AGBL1: variants seen among roughly 807,000 people sequenced by gnomAD.
The protein encoded by AGBL1 is AGBL carboxypeptidase 1.
Under a neutral mutation model 118.9 loss-of-function variants are expected in AGBL1, and 130 were observed. That is an observed-to-expected ratio of 1.09 (90% CI 0.95 to 1.26). The LOEUF (loss-of-function observed/expected upper bound fraction) is 1.26, where lower values mean the gene tolerates loss of function less well. AGBL1 is among the 50% of genes most tolerant of loss of function. The probability of loss-of-function intolerance (pLI) is 0.00; values close to 1 mark genes in which losing one functional copy is unlikely to be tolerated. For missense variants in AGBL1, 1,584 were observed against 1,298.1 expected, an observed-to-expected ratio of 1.22 and a Z score of -3.38; for synonymous variants, 555 against 478.9, an observed-to-expected ratio of 1.16 and a Z score of -2.08.
At chr15:86,616,657 G>A (rs1297307389) in intron 21 of AGBL1, among the ~76,000 whole-genome samples, 1 of 152,190 alleles carries the variant, frequency 6.6e-6, no homozygotes, top group Non-Finnish European at 1.5e-5. Flanking sequence ...TAGAGTCATA[G>A]ATTTGGAAAT....
chr15:86,723,694 C>G (rs1335248694), intron 22 of AGBL1, among the ~76,000 whole-genome samples: 1 of 151,512 alleles, frequency 6.6e-6, no homozygotes, highest in Non-Finnish European at 1.5e-5. Flanking sequence ...ATGGATTTGA[C>G]TAAACGGAAA....
chr15:86,423,157 C>T (rs960444971), intron 18 of AGBL1, among the ~76,000 whole-genome samples: 3 of 152,196 alleles, frequency 2.0e-5, no homozygotes, highest in African/African-American at 7.2e-5. Context: ...AGGCCAATAT[C>T]CCTGATGAAT....
intron 1 of AGBL1, among the ~76,000 whole-genome samples, chr15:86,133,007 C>G (rs1224221252): frequency 6.6e-6 from 1 of 152,164 alleles, no homozygotes; most frequent in African/African-American, 2.4e-5. Context: ...GTGACCCAGG[C>G]AGTAAGCTAA....
intron 19 of AGBL1, among the ~76,000 whole-genome samples, chr15:86,534,960 C>A (rs908390830): frequency 1.6e-4 from 24 of 152,100 alleles, no homozygotes; most frequent in African/African-American, 5.6e-4. Context: ...TGATCAGAGT[C>A]GGTTACACAA....
chr15:86,372,833 G>A (rs1217336191), intron 17 of AGBL1, among the ~76,000 whole-genome samples: 1 of 152,168 alleles, frequency 6.6e-6, no homozygotes, highest in Non-Finnish European at 1.5e-5. Context: ...CTGAGCAGAA[G>A]GTATCAAGGT....
At chr15:86,090,113 C>A (rs1306862324) in intron 1 of AGBL1, among the ~76,000 whole-genome samples, 1 of 152,174 alleles carries the variant, frequency 6.6e-6, no homozygotes, top group Non-Finnish European at 1.5e-5. Context: ...TGGCTACTTT[C>A]CCCATTTTAT....
chr15:86,283,055 G>A (rs8031472), intron 16 of AGBL1, among the ~76,000 whole-genome samples: 35,519 of 152,018 alleles, frequency 0.23, 4,950 homozygotes, highest in Middle Eastern at 0.33. Flanking sequence ...ATAATCGTTC[G>A]TTTTATAGCA....
At chr15:86,501,061 A>G (rs1429669597) in intron 18 of AGBL1, among the ~76,000 whole-genome samples, 1 of 151,652 alleles carries the variant, frequency 6.6e-6, no homozygotes, top group Non-Finnish European at 1.5e-5. Context: ...TATGGGGACT[A>G]TATGTTTGAC....
chr15:86,513,918 T>A (rs2083083818), intron 18 of AGBL1, among the ~76,000 whole-genome samples: 1 of 152,092 alleles, frequency 6.6e-6, no homozygotes, highest in Admixed American at 6.6e-5. Flanking sequence ...TACTTCCTTA[T>A]TTTTTGGCAC....
chr15:86,927,064 A>G (rs2080548745), intron 23 of AGBL1, among the ~76,000 whole-genome samples: 1 of 151,952 alleles, frequency 6.6e-6, no homozygotes. Context: ...GCTTGAACCC[A>G]GAAGGCAGAG....
chr15:86,502,180 A>G (rs1211274630), intron 18 of AGBL1, among the ~76,000 whole-genome samples: 2 of 151,468 alleles, frequency 1.3e-5, no homozygotes, highest in Non-Finnish European at 3.0e-5. Context: ...ATTCCTAAGT[A>G]TTTTATTCTT....
chr15:86,791,504 T>C (rs538632521), intron 22 of AGBL1, among the ~76,000 whole-genome samples: 5 of 152,192 alleles, frequency 3.3e-5, no homozygotes, highest in African/African-American at 1.2e-4. Flanking sequence ...TCAGTCTTTT[T>C]CAAGCTCAGT....
At chr15:86,556,492 A>G (rs555991622) in intron 21 of AGBL1, among the ~76,000 whole-genome samples, 6 of 152,314 alleles carry the variant, frequency 3.9e-5, no homozygotes, top group Non-Finnish European at 5.9e-5. Context: ...CCTTACAAAC[A>G]TTGTTGAGTA....
Position 86,910,583 on chromosome 15 carries a change from A to T in AGBL1, c.*3289A>T, listed in dbSNP as rs2141599477. 2 of 152,310 alleles carry T rather than the reference A, an allele frequency of 1.3e-5. No homozygotes were observed. The highest frequency in any genetic ancestry group is 4.2e-4 in the South Asian group (2 of 4,814). 9.4% of individuals were successfully genotyped at this position (152,310 alleles called of 1,614,324 possible). A position where few individuals can be genotyped will look rare whatever the true frequency, so the allele number is the denominator to read the frequency against. On this transcript the variant is annotated 3_prime_UTR_variant, in exon 23 of 23. Transcript: ENST00000614907. ...TAGTTTGAGGAGTGCCCCAGGTGTG[A>T]TACTACTATATTTGAAGAGCAGAAC...
At chr15:86,160,187 C>T (rs2077248486) in intron 5 of AGBL1, among the ~76,000 whole-genome samples, 1 of 143,216 alleles carries the variant, frequency 7.0e-6, no homozygotes, top group Admixed American at 7.3e-5. Flanking sequence ...AACATCTTCT[C>T]CAGGGTGTGA....
At chr15:86,831,389 G>C (rs2079101706) in intron 22 of AGBL1, among the ~76,000 whole-genome samples, 1 of 152,184 alleles carries the variant, frequency 6.6e-6, no homozygotes, top group Non-Finnish European at 1.5e-5. Flanking sequence ...TCTGAGACAA[G>C]ACAAGTCCCT....
At chr15:86,762,721 T>C (rs993764395) in intron 22 of AGBL1, among the ~76,000 whole-genome samples, 7 of 151,972 alleles carry the variant, frequency 4.6e-5, no homozygotes, top group Non-Finnish European at 1.0e-4. Context: ...GAAGTTACAT[T>C]TGGTTTCTTT....
In AGBL1 at chr15:86,330,460, A is replaced by G. The variant is rs1435070918; in HGVS notation, c.2374+35052A>G. ...GGGGAAAGGGAAAGAAAAAAACTATAAGGAAAGATAAAGAAAAAATTCCAC... is the reference window on the plus strand; with the variant it reads ...GGGGAAAGGGAAAGAAAAAAACTATGAGGAAAGATAAAGAAAAAATTCCAC... On this transcript the variant is annotated intron_variant, in intron 17 of 22. Transcript: ENST00000614907. Among the ~76,000 whole-genome samples the G allele has an allele frequency of 2.0e-5, 3 of 152,214 alleles. No individual in the cohort carries two copies. The East Asian group carries it at 5.8e-4, about 29-fold the overall frequency.
intron 17 of AGBL1, among the ~76,000 whole-genome samples, chr15:86,377,961 A>G (rs1391662392): frequency 6.6e-6 from 1 of 152,210 alleles, no homozygotes; most frequent in East Asian, 1.9e-4. Flanking sequence ...CCATTAAAAC[A>G]AATAACAATG....
Sources: allele counts gnomAD v4.1 joint callset (sites outside exome capture counted in the v4.1 genomes callset), GRCh38; gene constraint gnomAD v4.1.1; transcripts MANE v1.5; gene names NCBI Gene and HGNC (gene_info 2026-07-23, HGNC 2026-07-21).